Variants in RIPOR3 observed in about 807,000 individuals in gnomAD.
The protein encoded by RIPOR3 is family with sequence similarity 65 member C.
A neutral mutation model predicts 114.3 loss-of-function variants in RIPOR3; 95 were observed. That is an observed-to-expected ratio of 0.83 (90% CI 0.70 to 0.99). The LOEUF (loss-of-function observed/expected upper bound fraction) is 0.99. RIPOR3 is among the 50% of genes least tolerant of loss of function. The pLI is 0.00. For synonymous variants in RIPOR3, 575 were observed against 543.8 expected, an observed-to-expected ratio of 1.06 and a Z score of -0.80; for missense variants, 1,252 against 1,266.9, an observed-to-expected ratio of 0.99 and a Z score of 0.18.
chr20:50,608,613 C>G lies in RIPOR3; in HGVS notation c.810G>C (p.Lys270Asn). The G allele has an allele frequency of 6.2e-7, 1 of 1,614,030 alleles. No individual in the cohort carries two copies. Among genetic ancestry groups the G allele is most frequent in the African/African-American group, 1.3e-5 (1 of 75,070 alleles). ...IPTLHENLDIKVTELRGLGSL... is the reference protein window; with the variant it reads ...IPTLHENLDINVTELRGLGSL... ...CCCTGCCCCCGGGCCCCATCCCCACCTTGATGTCCAGGTTCTCATGCAGCG... is the reference window on the plus strand; with the variant it reads ...CCCTGCCCCCGGGCCCCATCCCCACGTTGATGTCCAGGTTCTCATGCAGCG... The change falls in exon 10 of 22, where the codon AAG becomes AAC. Residue 270 changes from lysine to asparagine, a missense_variant and splice_region_variant. Coordinates refer to ENST00000327979, the MANE Select transcript of RIPOR3 (RefSeq NM_001290268.2).
At chr20:50,668,856 C>G (rs994600968) in intron 1 of RIPOR3, among the ~76,000 whole-genome samples, 2 of 131,322 alleles carry the variant, frequency 1.5e-5, no homozygotes, top group Non-Finnish European at 3.3e-5. Flanking sequence ...GACTCCATCT[C>G]AAAAAAAAAA....
rs1410583782 is a variant in RIPOR3, at chr20:50,604,672, G to A, written c.1059C>T (p.Thr353=). The change falls in exon 12 of 22, where the codon ACC becomes ACT. Residue 353 remains threonine (T), a synonymous_variant. Transcript: ENST00000327979. Reference sequence around the variant, plus strand: ...GGTAGTATCTCTCCCGGAAGCTGGGGGTGCTCGGGGGTGTCCAGTTGTACA... The same window carrying A: ...GGTAGTATCTCTCCCGGAAGCTGGGAGTGCTCGGGGGTGTCCAGTTGTACA... ...GSLYNWTPPS[T]PSFRERYYLS... 2.5e-6 allele frequency: 4 copies of A among 1,608,014 alleles called. No individual in the cohort carries two copies. The highest frequency in any genetic ancestry group is 2.5e-6 in the Non-Finnish European group (3 of 1,177,814).
intron 20 of RIPOR3, 152 bp from the exon 21 acceptor site, chr20:50,588,044 T>G: frequency 1.5e-6 from 1 of 685,424 alleles, no homozygotes; most frequent in South Asian, 2.0e-5. Context: ...TTAGGTGGCC[T>G]CAGGTTCATG....
rs375970664 is a variant in RIPOR3, at chr20:50,627,601, T to C, written c.122+3137A>G. On this transcript the variant is annotated intron_variant, in intron 2 of 21. Coordinates refer to ENST00000327979, the MANE Select transcript of RIPOR3 (RefSeq NM_001290268.2). ...AGGAGGCTGAGGCAGGAGAATCACT[T>C]GAACCTGGGAGGCGGAGGTTGCAGT... is the stretch of plus-strand genomic sequence containing the variant. Among the ~76,000 whole-genome samples the C allele has an allele frequency of 7.9e-5, 12 of 151,794 alleles. 1 individual carries two copies. In the East Asian group the frequency reaches 2.3e-3, roughly 29 times the overall value.
chr20:50,597,642 G>A lies in RIPOR3; in HGVS notation c.1728C>T (p.Ala576=), dbSNP rs1238246233. 4 of 1,612,354 alleles carry A rather than the reference G, an allele frequency of 2.5e-6. No homozygotes were observed. Among genetic ancestry groups the A allele is most frequent in the South Asian group, 1.1e-5 (1 of 90,660 alleles). The part of the protein sequence containing the change: ...SLMECILESF[A]FLNADFALDE... ...CCAGGGCGAAGTCGGCATTGAGGAA[G>A]GCGAAGCTCTCCAGGATGCACTCCA... Residue 576 remains alanine, a synonymous_variant, in exon 14 of 22, where the codon GCC becomes GCT. Coordinates refer to ENST00000327979, the MANE Select transcript of RIPOR3 (RefSeq NM_001290268.2).
intron 1 of RIPOR3, among the ~76,000 whole-genome samples, chr20:50,673,767 A>C (rs1045751962): frequency 1.3e-5 from 2 of 152,232 alleles, no homozygotes; most frequent in African/African-American, 4.8e-5. Context: ...TCAAAGAAAC[A>C]GCCTTGTCCT....
chr20:50,610,414 T>C (rs1436488244), intron 6 of RIPOR3, among the ~76,000 whole-genome samples: 1 of 152,130 alleles, frequency 6.6e-6, no homozygotes, highest in African/African-American at 2.4e-5. Flanking sequence ...CACTGGGCAG[T>C]GTGGGGAGTA....
At chr20:50,676,923 C>A (rs751303386) in intron 1 of RIPOR3, among the ~76,000 whole-genome samples, 1 of 152,006 alleles carries the variant, frequency 6.6e-6, no homozygotes, top group Non-Finnish European at 1.5e-5. Context: ...GGGCCCTGTC[C>A]GTCAATCCAT....
intron 1 of RIPOR3, among the ~76,000 whole-genome samples, chr20:50,637,067 A>G (rs2085013997): frequency 6.6e-6 from 1 of 152,204 alleles, no homozygotes. Flanking sequence ...GAGTTTACAC[A>G]GAAGACAGAC....
chr20:50,606,796 C>T (rs1332351750), intron 11 of RIPOR3, among the ~76,000 whole-genome samples: 1 of 151,630 alleles, frequency 6.6e-6, no homozygotes, highest in Admixed American at 6.6e-5. Flanking sequence ...GTGGCGCCAT[C>T]TTGGCTCACT....
At chr20:50,587,661 C>A in intron 21 of RIPOR3, 141 bp downstream of exon 21, 1 of 762,070 alleles carries the variant, frequency 1.3e-6, no homozygotes, top group Non-Finnish European at 2.2e-6. Context: ...TGGAGGTCGG[C>A]TCTGTGCCAG....
intron 1 of RIPOR3, among the ~76,000 whole-genome samples, chr20:50,689,258 C>T (rs2087129795): frequency 1.3e-5 from 2 of 150,048 alleles, no homozygotes; most frequent in Admixed American, 6.7e-5. Context: ...CTCACTGCAC[C>T]TCTCCCTCCC....
At chr20:50,639,056 A>G (rs967438384) in intron 1 of RIPOR3, among the ~76,000 whole-genome samples, 16 of 152,260 alleles carry the variant, frequency 1.1e-4, no homozygotes, top group East Asian at 1.9e-4. Context: ...AGCCTGGTCA[A>G]CATGGTGAAA....
chr20:50,671,457 C>T (rs1476268937), intron 1 of RIPOR3, among the ~76,000 whole-genome samples: 1 of 146,562 alleles, frequency 6.8e-6, no homozygotes, highest in Non-Finnish European at 1.5e-5. Flanking sequence ...CACACACACA[C>T]ACATAACTTC....
At chr20:50,686,761 AAG>A (rs2087041257) in intron 1 of RIPOR3, among the ~76,000 whole-genome samples, 1 of 151,792 alleles carries the variant, frequency 6.6e-6, no homozygotes, top group African/African-American at 2.4e-5. Flanking sequence ...AAAAAAAAAA[AAG>A]AAAGAAAGAA....
At chr20:50,608,049 G>T (rs1451826355) in intron 11 of RIPOR3, among the ~76,000 whole-genome samples, 2 of 152,086 alleles carry the variant, frequency 1.3e-5, no homozygotes, top group Non-Finnish European at 2.9e-5. Context: ...AGGAATGAGG[G>T]GGTGGGAGCA....
chr20:50,670,546 TAAAGA>T (rs1271881798), intron 1 of RIPOR3, among the ~76,000 whole-genome samples: 2 of 152,022 alleles, frequency 1.3e-5, no homozygotes, highest in Non-Finnish European at 2.9e-5. Flanking sequence ...TTGCAGGAAA[TAAAGA>T]AAAGACATGT....
chr20:50,614,121 C>T (rs767499290), intron 4 of RIPOR3, among the ~76,000 whole-genome samples: 6 of 152,132 alleles, frequency 3.9e-5, no homozygotes, highest in Non-Finnish European at 5.9e-5. Flanking sequence ...CTGCATCCTC[C>T]GCCTCCTGGG....
At chr20:50,589,956 T>G (rs1363663367) in intron 19 of RIPOR3, 187 bp from the exon 20 acceptor site, 3 of 529,118 alleles carry the variant, frequency 5.7e-6, no homozygotes, top group African/African-American at 3.8e-5. Context: ...TACTGTGGTG[T>G]TTAATTTATC....
Sources: allele counts gnomAD v4.1 joint callset (sites outside exome capture counted in the v4.1 genomes callset), GRCh38; gene constraint gnomAD v4.1.1; transcripts MANE v1.5; gene names NCBI Gene and HGNC (gene_info 2026-07-23, HGNC 2026-07-21).